The following NBAS variants were observed in gnomAD, a reference collection of about 807,000 sequenced individuals.
NBAS encodes NBAS subunit of NRZ tethering complex.
In NBAS, 219 loss-of-function variants were observed where a neutral mutation model predicts 302.5. That is an observed-to-expected ratio of 0.72 (90% CI 0.65 to 0.81). The LOEUF (loss-of-function observed/expected upper bound fraction) is 0.81. Ranked by LOEUF, NBAS falls within the 30% of genes least tolerant of loss-of-function variation. The probability of loss-of-function intolerance (pLI) is 0.00; values close to 1 mark genes in which losing one functional copy is unlikely to be tolerated. For synonymous variants in NBAS, 1,118 were observed against 1,021.6 expected (o/e 1.09, Z -1.80); for missense variants, 2,932 against 2,841.6 (o/e 1.03, Z -0.72).
At chr2:15,123,341 C>T in the NBAS span, among the ~76,000 whole-genome samples, 52 of 152,210 alleles carry the variant, frequency 3.4e-4, no homozygotes, top group African/African-American at 1.1e-3. Context: ...GAGAAGGGAT[C>T]GGAGCTCGTC....
At chr2:15,277,918 G>A (rs574793375) in intron 42 of NBAS, among the ~76,000 whole-genome samples, 4 of 152,168 alleles carry the variant, frequency 2.6e-5, no homozygotes, top group Admixed American at 6.5e-5. Flanking sequence ...TGCCCCTTAC[G>A]TGATGAGTTT....
intron 37 of NBAS, 88 bp downstream of exon 37, chr2:15,328,111 T>C: frequency 1.5e-6 from 2 of 1,333,890 alleles, no homozygotes; most frequent in African/African-American, 1.5e-5. Context: ...GACAAATAAG[T>C]ATATTTTCAA....
intron 48 of NBAS, among the ~76,000 whole-genome samples, chr2:15,216,075 G>C (rs1381135620): frequency 6.6e-6 from 1 of 152,124 alleles, no homozygotes; most frequent in African/African-American, 2.4e-5. Context: ...AAATGCACCT[G>C]TCCTTCAAAA....
At chr2:15,209,506 C>A (rs1186868167) in intron 48 of NBAS, among the ~76,000 whole-genome samples, 1 of 151,864 alleles carries the variant, frequency 6.6e-6, no homozygotes, top group African/African-American at 2.4e-5. Context: ...AACTACAGGC[C>A]AATATCATTG....
At chr2:14,864,809 T>A in the NBAS span, among the ~76,000 whole-genome samples, 2 of 152,116 alleles carry the variant, frequency 1.3e-5, no homozygotes, top group Non-Finnish European at 2.9e-5. Flanking sequence ...TATTCCAGGG[T>A]TGATGAAAGA....
chr2:15,323,706 G>A (rs971815417), intron 38 of NBAS, among the ~76,000 whole-genome samples: 7 of 151,938 alleles, frequency 4.6e-5, no homozygotes, highest in East Asian at 3.9e-4. Context: ...ATGGTGGTGC[G>A]CACCTGTAGT....
intron 35 of NBAS, among the ~76,000 whole-genome samples, chr2:15,341,788 C>A (rs1290655397): frequency 6.6e-6 from 1 of 152,102 alleles, no homozygotes; most frequent in African/African-American, 2.4e-5. Context: ...GCATATCAAG[C>A]TATCAAATAA....
chr2:15,277,383 G>C (rs1243987119), intron 42 of NBAS, among the ~76,000 whole-genome samples: 3 of 152,184 alleles, frequency 2.0e-5, no homozygotes, highest in African/African-American at 7.2e-5. Context: ...AGTTGGGAGA[G>C]CTGTCTGATG....
intron 29 of NBAS, among the ~76,000 whole-genome samples, chr2:15,382,297 A>T (rs1397055740): frequency 6.6e-6 from 1 of 152,212 alleles, no homozygotes; most frequent in Non-Finnish European, 1.5e-5. Flanking sequence ...TCAACTGACA[A>T]CTATTTCTTA....
At chr2:15,368,854 T>C (rs758435332) in intron 31 of NBAS, among the ~76,000 whole-genome samples, 1 of 152,172 alleles carries the variant, frequency 6.6e-6, no homozygotes, top group Non-Finnish European at 1.5e-5. Flanking sequence ...AGACCGTGTC[T>C]CAAGGGGTGG....
chr2:15,332,420 C>T (rs1672394211), intron 35 of NBAS, among the ~76,000 whole-genome samples: 1 of 152,032 alleles, frequency 6.6e-6, no homozygotes. Flanking sequence ...CAAATAAATG[C>T]ATTTATTCTT....
chr2:14,986,694 A>T, the NBAS span, among the ~76,000 whole-genome samples: 1 of 152,152 alleles, frequency 6.6e-6, no homozygotes, highest in Non-Finnish European at 1.5e-5. Context: ...GAACTTTCCA[A>T]TGAGACAACT....
intron 23 of NBAS, among the ~76,000 whole-genome samples, chr2:15,420,837 G>A (rs1454164942): frequency 1.3e-5 from 2 of 152,048 alleles, no homozygotes; most frequent in African/African-American, 4.8e-5. Context: ...GGGGAAGAGG[G>A]GGAAGCAACG....
At chr2:15,192,579 T>C (rs1665411623) in intron 48 of NBAS, among the ~76,000 whole-genome samples, 2 of 152,224 alleles carry the variant, frequency 1.3e-5, no homozygotes, top group African/African-American at 4.8e-5. Context: ...TGATACTTTG[T>C]GACTGTTAAG....
chr2:15,379,726 C>A lies in NBAS; in HGVS notation c.3466G>T (p.Ala1156Ser), dbSNP rs1477673438. ...CTGTAGTGGGGTTTCCCTTTATGGG[C>A]TATACCAGCTGGAGGATTTTCTGAA... The part of the protein sequence containing the change: ...ACSENPPAGI[A>S]HKGKPHYRVS... Residue 1156 changes from alanine to serine, a missense_variant, in exon 30 of 52, where the codon GCC (alanine) becomes TCC (serine). Transcript: ENST00000281513. 1 of 1,614,054 alleles carries A rather than the reference C, an allele frequency of 6.2e-7. No homozygotes were observed. Among genetic ancestry groups the A allele is most frequent in the Admixed American group, 1.7e-5 (1 of 60,012 alleles).
chr2:15,353,607 G>C lies in NBAS; in HGVS notation c.4035C>G (p.Cys1345Trp). ...AAAGAAGTTCAATGCTGCTAGGAGG[G>C]CAATGTGTCAAAGCAAAAGCCATGA... ...QELMAFALTH[C>W]PPSSIELLLA... The change falls in exon 34 of 52, where the codon TGC (cysteine) becomes TGG (tryptophan). Residue 1345 changes from cysteine (C) to tryptophan (W), a missense_variant. By Grantham distance (215) the Cys-to-Trp change is radical. Coordinates refer to ENST00000281513, the MANE Select transcript of NBAS (RefSeq NM_015909.4). The C allele has an allele frequency of 6.2e-7, 1 of 1,614,046 alleles. No homozygotes were observed. The highest frequency in any genetic ancestry group is 8.5e-7 in the Non-Finnish European group (1 of 1,179,958).
chr2:15,290,727 T>C (rs1344697751), intron 41 of NBAS, among the ~76,000 whole-genome samples: 2 of 152,154 alleles, frequency 1.3e-5, no homozygotes, highest in African/African-American at 4.8e-5. Context: ...TACTTTCAAA[T>C]TGGACACTAA....
intron 11 of NBAS, among the ~76,000 whole-genome samples, chr2:15,501,231 G>A (rs1474212781): frequency 6.6e-6 from 1 of 151,888 alleles, no homozygotes; most frequent in Non-Finnish European, 1.5e-5. Context: ...AACCTGGCAG[G>A]TGGAGCTTGC....
intron 10 of NBAS, among the ~76,000 whole-genome samples, chr2:15,504,871 A>T (rs561043271): frequency 6.6e-6 from 1 of 152,326 alleles, no homozygotes; most frequent in Admixed American, 6.5e-5. Flanking sequence ...TCTATACACA[A>T]AAGAATGAAA....
Sources: allele counts gnomAD v4.1 joint callset (sites outside exome capture counted in the v4.1 genomes callset), GRCh38; gene constraint gnomAD v4.1.1; transcripts MANE v1.5; gene names NCBI Gene and HGNC (gene_info 2026-07-23, HGNC 2026-07-21).